The following AP3S1 variants were observed in gnomAD, a reference collection of about 807,000 sequenced individuals.
AP3S1 encodes the protein AP-3 complex subunit sigma-1.
In AP3S1, 12 loss-of-function variants were observed where a neutral mutation model predicts 21.3. The ratio of observed to expected loss-of-function variants is 0.56; its 90% CI spans 0.36 to 0.91. AP3S1 has a LOEUF of 0.91. Ranked by LOEUF, AP3S1 falls within the 40% of genes least tolerant of loss-of-function variation. The pLI is 0.01. For missense variants in AP3S1, 116 were observed against 225.0 expected (o/e 0.52, Z 3.10); for synonymous variants, 48 against 78.4 (o/e 0.61, Z 2.05).
At chr5:115,900,420 C>T (rs1561522857) in intron 4 of AP3S1, among the ~76,000 whole-genome samples, 1 of 152,218 alleles carries the variant, frequency 6.6e-6, no homozygotes, top group African/African-American at 2.4e-5. Flanking sequence ...ACCTGACCTA[C>T]CCCGTCATAG....
At chr5:115,849,143 T>A (rs545241999) in intron 1 of AP3S1, among the ~76,000 whole-genome samples, 4 of 152,332 alleles carry the variant, frequency 2.6e-5, no homozygotes, top group African/African-American at 9.6e-5. Flanking sequence ...AGTAATACAG[T>A]GATAAGTAAG....
chr5:115,871,466 T>C (rs761213697), intron 3 of AP3S1, among the ~76,000 whole-genome samples: 1 of 152,196 alleles, frequency 6.6e-6, no homozygotes, highest in Non-Finnish European at 1.5e-5. Context: ...GATTTTATCT[T>C]TGTCTAAACT....
chr5:115,892,421 A>C (rs1438304029), intron 3 of AP3S1, among the ~76,000 whole-genome samples: 1 of 152,260 alleles, frequency 6.6e-6, no homozygotes, highest in Non-Finnish European at 1.5e-5. Flanking sequence ...GTTCATCAGC[A>C]GACGAATAAT....
intron 3 of AP3S1, 99 bp downstream of exon 3, chr5:115,870,227 G>T: frequency 1.4e-6 from 1 of 709,228 alleles, no homozygotes; most frequent in Non-Finnish European, 2.3e-6. Context: ...ATGTTAGTAA[G>T]AAATAAAGCA....
At chr5:115,887,561 C>T (rs1227334773) in intron 3 of AP3S1, among the ~76,000 whole-genome samples, 5 of 151,610 alleles carry the variant, frequency 3.3e-5, no homozygotes, top group South Asian at 2.1e-4. Flanking sequence ...TTTATTTCTC[C>T]GTGTGTTTGG....
At chr5:115,884,922 A>T (rs1273864955) in intron 3 of AP3S1, among the ~76,000 whole-genome samples, 1 of 152,222 alleles carries the variant, frequency 6.6e-6, no homozygotes, top group Non-Finnish European at 1.5e-5. Flanking sequence ...ACACTGATAC[A>T]GACATTCTAT....
intron 5 of AP3S1, 99 bp downstream of exon 5, chr5:115,903,091 T>G: frequency 1.2e-6 from 1 of 858,928 alleles, no homozygotes; most frequent in South Asian, 1.5e-5. Flanking sequence ...TATCACCCTT[T>G]AGGTTCAGCC....
intron 1 of AP3S1, among the ~76,000 whole-genome samples, chr5:115,863,191 G>A (rs186649852): frequency 6.6e-6 from 1 of 152,192 alleles, no homozygotes; most frequent in East Asian, 1.9e-4. Flanking sequence ...CCTCGGTCGA[G>A]TTCAAGACCA....
chr5:115,888,299 T>A (rs1481946533), intron 3 of AP3S1, among the ~76,000 whole-genome samples: 1 of 152,164 alleles, frequency 6.6e-6, no homozygotes, highest in Non-Finnish European at 1.5e-5. Context: ...GCAATTTTTT[T>A]ATTGTTGTTA....
At chr5:115,863,981 C>A (rs1763404006) in intron 1 of AP3S1, among the ~76,000 whole-genome samples, 1 of 152,168 alleles carries the variant, frequency 6.6e-6, no homozygotes, top group African/African-American at 2.4e-5. Flanking sequence ...ATTTTTAATG[C>A]AGACGAAAGT....
rs1408302044 is a variant in AP3S1, at chr5:115,841,976, G to A, written c.-62G>A. On this transcript the variant is annotated 5_prime_UTR_variant, in exon 1 of 6. Coordinates refer to ENST00000316788, the MANE Select transcript of AP3S1 (RefSeq NM_001284.4). Reference sequence around the variant, plus strand: ...AGGATCGCAGGCGAGATTACGAGGCGAGGCTCGCGCGCCCGCCCCCGCCCT... The same window carrying A: ...AGGATCGCAGGCGAGATTACGAGGCAAGGCTCGCGCGCCCGCCCCCGCCCT... 2.0e-6 allele frequency: 3 copies of A among 1,500,918 alleles called. No individual in the cohort carries two copies. The highest frequency in any genetic ancestry group is 2.5e-5 in the South Asian group (2 of 79,340). 93.0% of individuals were successfully genotyped at this position (1,500,918 alleles called of 1,614,324 possible). A position where few individuals can be genotyped will look rare whatever the true frequency, so the allele number is the denominator to read the frequency against.
intron 4 of AP3S1, among the ~76,000 whole-genome samples, chr5:115,901,864 G>C (rs6897860): frequency 3.3e-5 from 5 of 151,900 alleles, no homozygotes; most frequent in Admixed American, 2.6e-4. Context: ...ATAAATTTGC[G>C]TGAAATCTTA....
chr5:115,870,430 C>CT (rs1289575545), intron 3 of AP3S1, among the ~76,000 whole-genome samples: 35 of 152,302 alleles, frequency 2.3e-4, no homozygotes, highest in African/African-American at 8.2e-4. Flanking sequence ...CCCTACCTCT[C>CT]CCTGTCTCCT....
chr5:115,880,973 A>G (rs1036651508), intron 3 of AP3S1, among the ~76,000 whole-genome samples: 3 of 149,904 alleles, frequency 2.0e-5, no homozygotes, highest in African/African-American at 7.4e-5. Context: ...GTCTTTTTTG[A>G]TCTTTGTTGG....
chr5:115,900,638 T>G (rs1732147966), intron 4 of AP3S1, among the ~76,000 whole-genome samples: 1 of 152,196 alleles, frequency 6.6e-6, no homozygotes, highest in Non-Finnish European at 1.5e-5. Flanking sequence ...ACAGAGCATC[T>G]TACGTATTTT....
At chr5:115,905,305 G>T (rs1311894914) in intron 5 of AP3S1, among the ~76,000 whole-genome samples, 1 of 152,194 alleles carries the variant, frequency 6.6e-6, no homozygotes, top group Non-Finnish European at 1.5e-5. Context: ...AATGGAAATA[G>T]TTATAAGAAT....
rs767258827 is a variant in AP3S1, at chr5:115,902,550, C to CATA, written c.346-320_346-318dup. ...AATCATATTTTAGTATTAAACTTCA[C>CATA]ATAATAATAATAATAATGGTAGTTA... On this transcript the variant is annotated intron_variant, in intron 4 of 5. Transcript: ENST00000316788. Among the ~76,000 whole-genome samples, 556 of 151,998 alleles carry CATA rather than the reference C, an allele frequency of 3.7e-3. 2 individuals are homozygous for CATA. The highest frequency in any genetic ancestry group is 5.4e-3 in the Admixed American group (82 of 15,264).
intron 1 of AP3S1, among the ~76,000 whole-genome samples, chr5:115,865,914 T>G (rs1763574676): frequency 6.6e-6 from 1 of 152,236 alleles, no homozygotes; most frequent in Non-Finnish European, 1.5e-5. Flanking sequence ...TTCTCCTGCT[T>G]CAGCCTCCCG....
At chr5:115,890,096 A>G (rs1393932169) in intron 3 of AP3S1, among the ~76,000 whole-genome samples, 1 of 152,092 alleles carries the variant, frequency 6.6e-6, no homozygotes, top group Non-Finnish European at 1.5e-5. Flanking sequence ...TTGACACTGT[A>G]TACTAAAGCT....
Sources: gnomAD v4.1 joint callset for allele counts (sites outside exome capture counted in the v4.1 genomes callset) on GRCh38, gnomAD v4.1.1 for gene constraint, MANE v1.5 for transcripts, NCBI Gene and HGNC (gene_info 2026-07-23, HGNC 2026-07-21) for gene names.